The following SLC44A5 variants were observed in gnomAD, a reference collection of about 807,000 sequenced individuals.
The protein encoded by SLC44A5 is choline transporter-like protein 5.
SLC44A5 carries 57 observed loss-of-function variants against 101.8 expected under a neutral mutation model. The observed-to-expected ratio is 0.56, with a 90% CI of 0.45 to 0.70. The LOEUF is 0.70. Ranked by LOEUF, SLC44A5 falls within the 30% of genes least tolerant of loss-of-function variation. The probability of loss-of-function intolerance (pLI) is 0.00; values close to 1 mark genes in which losing one functional copy is unlikely to be tolerated. For synonymous variants in SLC44A5, 281 were observed against 290.9 expected, an observed-to-expected ratio of 0.97 and a Z score of 0.35; for missense variants, 737 against 853.1, an observed-to-expected ratio of 0.86 and a Z score of 1.70.
At chr1:75,294,795 CGTGATCTCCTTT>C (rs1653833511) in intron 5 of SLC44A5, among the ~76,000 whole-genome samples, 1 of 152,048 alleles carries the variant, frequency 6.6e-6, no homozygotes, top group Non-Finnish European at 1.5e-5. Context: ...AAAAGTATTG[CGTGATCTCCTTT>C]ATATGTGAAA....
At chr1:75,310,966 T>C (rs1655247282) in intron 4 of SLC44A5, among the ~76,000 whole-genome samples, 1 of 152,048 alleles carries the variant, frequency 6.6e-6, no homozygotes, top group Non-Finnish European at 1.5e-5. Context: ...ATAGTAAATA[T>C]ATACATTTAC....
At chr1:75,402,997 G>T (rs1410222547) in intron 2 of SLC44A5, among the ~76,000 whole-genome samples, 1 of 152,180 alleles carries the variant, frequency 6.6e-6, no homozygotes. Flanking sequence ...TGGGACACTT[G>T]AGGTTGATGG....
chr1:75,614,034 A>G (rs1432361284), upstream of SLC44A5, among the ~76,000 whole-genome samples: 1 of 152,192 alleles, frequency 6.6e-6, no homozygotes, highest in Non-Finnish European at 1.5e-5. Flanking sequence ...TACAATCTGC[A>G]AGGTTTGGGG....
the SLC44A5 span, among the ~76,000 whole-genome samples, chr1:75,643,201 A>G: frequency 5.3e-5 from 8 of 152,134 alleles, no homozygotes; most frequent in Admixed American, 2.0e-4. Context: ...TATACTACCT[A>G]TATCAAATTT....
chr1:75,636,967 A>G, the SLC44A5 span, among the ~76,000 whole-genome samples: 1 of 152,094 alleles, frequency 6.6e-6, no homozygotes, highest in African/African-American at 2.4e-5. Context: ...TAGATTTATT[A>G]TAAAGATATT....
intron 4 of SLC44A5, among the ~76,000 whole-genome samples, chr1:75,337,113 G>C (rs1229168540): frequency 1.3e-5 from 2 of 149,872 alleles, no homozygotes; most frequent in Admixed American, 6.6e-5. Flanking sequence ...TGCTATGGCC[G>C]TTACTCAGCC....
At chr1:75,521,644 A>G (rs914071739) in intron 2 of SLC44A5, 3 of 152,420 alleles carry the variant, frequency 2.0e-5, no homozygotes, top group Non-Finnish European at 2.9e-5. Context: ...GCCCCAAACT[A>G]TAGTAATTCT....
chr1:75,310,802 C>A (rs966288846), intron 4 of SLC44A5, among the ~76,000 whole-genome samples: 2 of 152,028 alleles, frequency 1.3e-5, no homozygotes, highest in Non-Finnish European at 2.9e-5. Context: ...ATTTGTTTCC[C>A]AGCAAAACCA....
the SLC44A5 span, among the ~76,000 whole-genome samples, chr1:75,631,053 A>C: frequency 6.6e-6 from 1 of 152,222 alleles, no homozygotes; most frequent in African/African-American, 2.4e-5. Context: ...CCATCAAAAA[A>C]TACATCCACT....
At chr1:75,233,894 T>C in intron 12 of SLC44A5, 92 bp downstream of exon 12, 1 of 964,514 alleles carries the variant, frequency 1.0e-6, no homozygotes, top group Admixed American at 2.3e-5. Flanking sequence ...TTAGATCCAC[T>C]GAAAACAAAT....
intron 5 of SLC44A5, among the ~76,000 whole-genome samples, chr1:75,297,554 G>A (rs912441075): frequency 1.3e-5 from 2 of 152,114 alleles, no homozygotes; most frequent in African/African-American, 4.8e-5. Flanking sequence ...ATAAATGCTG[G>A]GGTTATAGGC....
At chr1:75,254,952 G>A (rs1649892872) in intron 6 of SLC44A5, among the ~76,000 whole-genome samples, 1 of 152,114 alleles carries the variant, frequency 6.6e-6, no homozygotes, top group Non-Finnish European at 1.5e-5. Flanking sequence ...TTATGATTTT[G>A]TGTTGGGCTG....
At chr1:75,658,753 T>A in the SLC44A5 span, among the ~76,000 whole-genome samples, 1 of 151,770 alleles carries the variant, frequency 6.6e-6, no homozygotes, top group East Asian at 1.9e-4. Flanking sequence ...CCAAAATTAG[T>A]AGAAGAAAAG....
intron 2 of SLC44A5, among the ~76,000 whole-genome samples, chr1:75,439,019 T>C (rs1040585939): frequency 6.6e-6 from 1 of 152,132 alleles, no homozygotes. Context: ...AGTTCATGTA[T>C]TGACAACTTG....
At chr1:75,280,665 A>T (rs1462492500) in intron 5 of SLC44A5, among the ~76,000 whole-genome samples, 1 of 150,724 alleles carries the variant, frequency 6.6e-6, no homozygotes, top group Admixed American at 6.7e-5. Context: ...GTGGGAGGTG[A>T]TTAGATCATG....
At chr1:75,623,083 T>G in the SLC44A5 span, among the ~76,000 whole-genome samples, 1 of 152,186 alleles carries the variant, frequency 6.6e-6, no homozygotes, top group Non-Finnish European at 1.5e-5. Flanking sequence ...AGTCGTTCTT[T>G]TAAGTGATTG....
chr1:75,508,768 T>A (rs1416279752), intron 2 of SLC44A5, among the ~76,000 whole-genome samples: 1 of 128,530 alleles, frequency 7.8e-6, no homozygotes, highest in Non-Finnish European at 1.6e-5. Flanking sequence ...GACTTCCTTC[T>A]TTATGTAAGA....
rs552684912 is a variant in SLC44A5 at position 75,551,367 on chromosome 1, C to T, written c.-69-9851G>A. Among the ~76,000 whole-genome samples the T allele has an allele frequency of 3.9e-5, 6 of 152,222 alleles. No individual in the cohort carries two copies. In the South Asian group the frequency reaches 8.3e-4, roughly 21 times the overall value. On this transcript the variant is annotated intron_variant, in intron 1 of 23. Transcript: ENST00000370859. ...AGAAGGCACACTGAGCTCCAATAAC[C>T]GTATGACAATTTTACTTTTAAAAGC...
At position 75,222,113 on chromosome 1, in the gene SLC44A5, C is replaced by T. The variant is rs776509408; in HGVS notation, c.1085+248G>A. 5.6e-4 allele frequency among the ~76,000 whole-genome samples: 85 copies of T among 152,098 alleles called. 1 individual carries two copies. The highest frequency in any genetic ancestry group is 3.4e-3 in the Middle Eastern group (1 of 294). On this transcript the variant is annotated intron_variant, in intron 14 of 23. Coordinates refer to ENST00000370859, the MANE Select transcript of SLC44A5 (RefSeq NM_001130058.2). The stretch of plus-strand genomic sequence containing the variant: ...AGCTGGTTACAGGCATGCGCCACCA[C>T]GCCCGGCTAATTTTGTATCTTTAGT...
Sources: gnomAD v4.1 joint callset for allele counts (sites outside exome capture counted in the v4.1 genomes callset) on GRCh38, gnomAD v4.1.1 for gene constraint, MANE v1.5 for transcripts, NCBI Gene and HGNC (gene_info 2026-07-23, HGNC 2026-07-21) for gene names.